ITGB2: variants seen among roughly 807,000 people sequenced by gnomAD.
ITGB2 encodes the protein integrin subunit beta 2, also known as integrin beta-2.
ITGB2 carries 56 observed loss-of-function variants against 86.8 expected under a neutral mutation model. That is an observed-to-expected ratio of 0.65 (90% confidence interval 0.52 to 0.81). ITGB2 has a LOEUF of 0.81. Ranked by LOEUF, ITGB2 falls within the 30% of genes least tolerant of loss-of-function variation. The pLI is 0.00. For synonymous variants in ITGB2, 457 were observed against 450.4 expected (o/e 1.01, Z -0.19); for missense variants, 948 against 1,061.2 (o/e 0.89, Z 1.48).
Position 44,907,774 on chromosome 21 carries a change from A to C in ITGB2, c.148-679T>G, listed in dbSNP as rs564197672. Among the ~76,000 whole-genome samples, 228 of 152,296 alleles carry C rather than the reference A, an allele frequency of 1.5e-3. 6 individuals are homozygous for C. The South Asian group carries it at 0.046, about 31-fold the overall frequency. Reference sequence around the variant, plus strand: ...CTTTCGTAGAGGGAAGCTCAGGAGGATAAGCCCGGCCCCCAGAGGCTGGTG... The same window carrying C: ...CTTTCGTAGAGGGAAGCTCAGGAGGCTAAGCCCGGCCCCCAGAGGCTGGTG... On this transcript the variant is annotated intron_variant, in intron 3 of 15. Coordinates refer to ENST00000652462, the MANE Select transcript of ITGB2 (RefSeq NM_000211.5).
chr21:44,901,827 T>C, intron 5 of ITGB2, 94 bp from the exon 6 acceptor site: 1 of 1,387,784 alleles, frequency 7.2e-7, no homozygotes, highest in Non-Finnish European at 9.8e-7. Flanking sequence ...CTGTTTCCTC[T>C]CTCCTAGCAG....
rs9980361 is a variant in ITGB2 at position 44,905,776 on chromosome 21, A to G, written c.328+1139T>C. On this transcript the variant is annotated intron_variant, in intron 4 of 15. Coordinates refer to ENST00000652462, the MANE Select transcript of ITGB2 (RefSeq NM_000211.5). Reference sequence around the variant, plus strand: ...GCCCTGCTCCTGCAGGACCTCCCCAATGGCTCGGCCCCATCCCTCACTGTC... The same window carrying G: ...GCCCTGCTCCTGCAGGACCTCCCCAGTGGCTCGGCCCCATCCCTCACTGTC... 7.9e-3 allele frequency among the ~76,000 whole-genome samples: 1,199 copies of G among 152,082 alleles called. 21 individuals carry two copies. The highest frequency in any genetic ancestry group is 0.027 in the African/African-American group (1,137 of 41,514).
intron 3 of ITGB2, chr21:44,908,086 C>T (rs1158324730): frequency 2.8e-6 from 2 of 718,846 alleles, no homozygotes; most frequent in Non-Finnish European, 5.2e-6. Context: ...GGGGCCTGGC[C>T]ACCCTGCTCA....
intron 1 of ITGB2, among the ~76,000 whole-genome samples, chr21:44,912,706 C>T (rs879462991): frequency 3.9e-4 from 60 of 152,228 alleles, no homozygotes; most frequent in Non-Finnish European, 5.6e-4. Flanking sequence ...CAAAGTCCTG[C>T]GCCTGGACTG....
chr21:44,913,963 G>T (rs1053133118), intron 1 of ITGB2, among the ~76,000 whole-genome samples: 1 of 152,154 alleles, frequency 6.6e-6, no homozygotes, highest in African/African-American at 2.4e-5. Flanking sequence ...CAGAGCTGCA[G>T]GGCAGGAGGG....
intron 3 of ITGB2, among the ~76,000 whole-genome samples, chr21:44,910,057 C>T (rs1051104962): frequency 2.0e-5 from 3 of 152,198 alleles, no homozygotes; most frequent in African/African-American, 4.8e-5. Flanking sequence ...ACAACCTACT[C>T]GGAAATGGCT....
At chr21:44,897,185 G>T (rs369610438) in intron 8 of ITGB2, among the ~76,000 whole-genome samples, 1 of 152,236 alleles carries the variant, frequency 6.6e-6, no homozygotes. Context: ...GGAACCGCTG[G>T]TCTCGCTGTC....
chr21:44,912,029 A>C (rs930101791), intron 1 of ITGB2, among the ~76,000 whole-genome samples: 2 of 152,106 alleles, frequency 1.3e-5, no homozygotes, highest in Admixed American at 6.5e-5. Flanking sequence ...GGTACCCAGG[A>C]GCCTTCCTGT....
chr21:44,888,589 A>C, intron 14 of ITGB2, 104 bp downstream of exon 14: 1 of 1,336,554 alleles, frequency 7.5e-7, no homozygotes, highest in Non-Finnish European at 1.0e-6. Context: ...TGCTGGGCCC[A>C]CAACACTGGA....
intron 6 of ITGB2, among the ~76,000 whole-genome samples, chr21:44,901,117 C>T (rs1240875087): frequency 6.6e-6 from 1 of 152,150 alleles, no homozygotes; most frequent in African/African-American, 2.4e-5. Context: ...ACTGGGCAGC[C>T]AGCGCCCACC....
chr21:44,888,173 C>T (rs1029432113), intron 14 of ITGB2, among the ~76,000 whole-genome samples: 2 of 152,160 alleles, frequency 1.3e-5, no homozygotes, highest in African/African-American at 4.8e-5. Context: ...ACCAAGGTCA[C>T]TGTGGGGCTG....
chr21:44,910,443 A>C, intron 2 of ITGB2, 71 bp from the exon 3 acceptor site: 1 of 1,608,902 alleles, frequency 6.2e-7, no homozygotes, highest in African/African-American at 1.3e-5. Context: ...GGAGTAGAGC[A>C]GGAAGGTCAG....
At chr21:44,891,737 C>T in intron 11 of ITGB2, 72 bp downstream of exon 11, 1 of 1,552,532 alleles carries the variant, frequency 6.4e-7, no homozygotes, top group South Asian at 1.1e-5. Context: ...CCTGCACCCA[C>T]CTCACCTGCC....
chr21:44,897,211 C>T (rs3788145), intron 8 of ITGB2, among the ~76,000 whole-genome samples: 5,572 of 152,350 alleles, frequency 0.037, 117 homozygotes, highest in South Asian at 0.1. Flanking sequence ...CAACACACCA[C>T]GAGGTTGAGC....
chr21:44,890,220 C>T lies in ITGB2; in HGVS notation c.1415G>A (p.Cys472Tyr). Residue 472 changes from cysteine to tyrosine, a missense_variant and splice_region_variant, in exon 12 of 16, where the codon TGT becomes TAT. Physicochemically the swap from Cys to Tyr is radical, Grantham distance 194 (BLOSUM62 -2). Coordinates refer to ENST00000652462, the MANE Select transcript of ITGB2 (RefSeq NM_000211.5). ...KGFLECGICR[C>Y]DTGYIGKNCE... ...GTTTTTCCCAATGTAGCCAGTGTCA[C>T]ACCTGGGGACAGGAGGGGCCCCAAG... is the stretch of plus-strand genomic sequence containing the variant. 6.2e-7 allele frequency: 1 copy of T among 1,613,114 alleles called. No individual in the cohort carries two copies. Among genetic ancestry groups the T allele is most frequent in the Non-Finnish European group, 8.5e-7 (1 of 1,179,994 alleles).
intron 1 of ITGB2, among the ~76,000 whole-genome samples, chr21:44,912,509 A>C (rs1205202991): frequency 6.6e-6 from 1 of 152,224 alleles, no homozygotes; most frequent in East Asian, 1.9e-4. Flanking sequence ...CAAAAATGTC[A>C]AAAGGGAACC....
intron 3 of ITGB2, among the ~76,000 whole-genome samples, chr21:44,907,300 C>G (rs2084059097): frequency 6.6e-6 from 1 of 152,224 alleles, no homozygotes; most frequent in African/African-American, 2.4e-5. Flanking sequence ...ACAGCAGACC[C>G]CTGGGGGGCA....
intron 3 of ITGB2, among the ~76,000 whole-genome samples, chr21:44,908,656 T>C (rs2084081779): frequency 6.7e-6 from 1 of 149,592 alleles, no homozygotes; most frequent in South Asian, 2.1e-4. Context: ...CTGCTGACAC[T>C]CCTGGCCAAA....
intron 4 of ITGB2, among the ~76,000 whole-genome samples, chr21:44,903,999 C>T (rs948836762): frequency 6.6e-6 from 1 of 152,176 alleles, no homozygotes; most frequent in Non-Finnish European, 1.5e-5. Context: ...CCATCCCAGC[C>T]CTGGACTTCC....
Sources: gnomAD v4.1 joint callset for allele counts (sites outside exome capture counted in the v4.1 genomes callset) on GRCh38, gnomAD v4.1.1 for gene constraint, MANE v1.5 for transcripts, NCBI Gene and HGNC (gene_info 2026-07-23, HGNC 2026-07-21) for gene names.